The following CDKAL1 variants were observed in gnomAD, a reference collection of about 807,000 sequenced individuals.
CDKAL1 encodes the protein CDKAL1 threonylcarbamoyladenosine tRNA methylthiotransferase, also known as threonylcarbamoyladenosine tRNA methylthiotransferase.
A neutral mutation model predicts 68.2 loss-of-function variants in CDKAL1; 32 were observed. The ratio of observed to expected loss-of-function variants is 0.47; its 90% CI spans 0.35 to 0.63. The LOEUF (loss-of-function observed/expected upper bound fraction) is 0.63, where lower values mean the gene tolerates loss of function less well. Ranked by LOEUF, CDKAL1 falls within the 30% of genes least tolerant of loss-of-function variation. The pLI, the probability that CDKAL1 is intolerant of heterozygous loss-of-function variation, is 0.00. For missense variants in CDKAL1, 606 were observed against 696.7 expected (o/e 0.87, Z 1.47); for synonymous variants, 234 against 244.3 (o/e 0.96, Z 0.39).
At chr6:21,011,322 G>A (rs923074856) in intron 11 of CDKAL1, among the ~76,000 whole-genome samples, 3 of 150,352 alleles carry the variant, frequency 2.0e-5, no homozygotes, top group African/African-American at 4.9e-5. Context: ...AGGCAGAGCT[G>A]GCAGTGAGCT....
chr6:20,869,607 A>G (rs758460573), intron 9 of CDKAL1, among the ~76,000 whole-genome samples: 65 of 152,310 alleles, frequency 4.3e-4, no homozygotes, highest in Non-Finnish European at 7.5e-4. Flanking sequence ...TAAAATGGCT[A>G]AAAACAAAAA....
chr6:21,103,920 T>G (rs946936278), intron 12 of CDKAL1, among the ~76,000 whole-genome samples: 3 of 152,246 alleles, frequency 2.0e-5, no homozygotes, highest in Non-Finnish European at 2.9e-5. Flanking sequence ...TATTCCATTT[T>G]TGGCTCAGCT....
At chr6:21,072,246 A>G (rs1043472526) in intron 12 of CDKAL1, among the ~76,000 whole-genome samples, 6 of 152,184 alleles carry the variant, frequency 3.9e-5, no homozygotes, top group African/African-American at 1.4e-4. Context: ...ACTACTTAAC[A>G]TTGATAAATG....
chr6:20,674,762 T>C (rs574978711), intron 5 of CDKAL1, among the ~76,000 whole-genome samples: 2 of 152,326 alleles, frequency 1.3e-5, no homozygotes, highest in East Asian at 1.9e-4. Context: ...ATGATTCTAC[T>C]CTTCTTCCAT....
intron 13 of CDKAL1, among the ~76,000 whole-genome samples, chr6:21,141,873 C>A (rs1775930264): frequency 6.6e-6 from 1 of 152,176 alleles, no homozygotes; most frequent in Non-Finnish European, 1.5e-5. Context: ...GAGGTAACTA[C>A]AGAAGTTGGA....
intron 8 of CDKAL1, among the ~76,000 whole-genome samples, chr6:20,820,038 T>C (rs1777212435): frequency 6.6e-6 from 1 of 152,128 alleles, no homozygotes; most frequent in Admixed American, 6.6e-5. Flanking sequence ...TTTGCATGGC[T>C]GAAGTCTCGT....
intron 4 of CDKAL1, among the ~76,000 whole-genome samples, chr6:20,622,752 A>G (rs1767251126): frequency 6.6e-6 from 1 of 151,876 alleles, no homozygotes; most frequent in African/African-American, 2.4e-5. Flanking sequence ...ACTTTGACCA[A>G]TATTTTCTTT....
intron 4 of CDKAL1, among the ~76,000 whole-genome samples, chr6:20,614,950 C>G (rs1411277549): frequency 2.4e-5 from 3 of 125,878 alleles, no homozygotes; most frequent in Non-Finnish European, 4.8e-5. Flanking sequence ...CCACCACAGT[C>G]CCCAGAGTGT....
In CDKAL1 at chr6:21,112,259, G is replaced by A. The variant is rs571087539; in HGVS notation, c.1299+3796G>A. Among the ~76,000 whole-genome samples, 4 of 152,256 alleles carry A rather than the reference G, an allele frequency of 2.6e-5. No homozygotes were observed. In the South Asian group the frequency reaches 8.3e-4, roughly 32 times the overall value. ...AGATTTTATCAGAATTATGTGTTTAGGGGGAAATCTAGGTTTATTAGCCAA... is the reference window on the plus strand; with the variant it reads ...AGATTTTATCAGAATTATGTGTTTAAGGGGAAATCTAGGTTTATTAGCCAA... On this transcript the variant is annotated intron_variant, in intron 13 of 15. Transcript: ENST00000274695.
intron 7 of CDKAL1, among the ~76,000 whole-genome samples, chr6:20,779,678 A>G (rs959572336): frequency 6.6e-6 from 1 of 152,210 alleles, no homozygotes; most frequent in Admixed American, 6.5e-5. Flanking sequence ...TCTGCTGCCC[A>G]GGTTCAAGTG....
chr6:20,815,127 G>T (rs565944770), intron 8 of CDKAL1, among the ~76,000 whole-genome samples: 70 of 152,310 alleles, frequency 4.6e-4, no homozygotes, highest in Admixed American at 1.7e-3. Flanking sequence ...TCCAGTCCCT[G>T]TCACTTTATT....
chr6:20,603,672 A>T (rs1184540933), intron 4 of CDKAL1, among the ~76,000 whole-genome samples: 1 of 152,082 alleles, frequency 6.6e-6, no homozygotes, highest in African/African-American at 2.4e-5. Flanking sequence ...TTCCCAGTGG[A>T]CAGAACTTCT....
chr6:20,941,941 G>A (rs192240774), intron 9 of CDKAL1, among the ~76,000 whole-genome samples: 168 of 152,146 alleles, frequency 1.1e-3, no homozygotes, highest in African/African-American at 3.7e-3. Context: ...TTTCCCCTTC[G>A]GCAAGAGGAT....
chr6:21,093,324 T>TC (rs2150972914), intron 12 of CDKAL1, among the ~76,000 whole-genome samples: 1 of 152,334 alleles, frequency 6.6e-6, no homozygotes, highest in African/African-American at 2.4e-5. Flanking sequence ...ACCAAAGTAT[T>TC]CATCAGATTT....
chr6:21,126,498 T>G (rs535630430), intron 13 of CDKAL1, among the ~76,000 whole-genome samples: 1 of 152,328 alleles, frequency 6.6e-6, no homozygotes, highest in East Asian at 1.9e-4. Context: ...GCACTCAACC[T>G]TGATGCTTTT....
intron 4 of CDKAL1, among the ~76,000 whole-genome samples, chr6:20,639,843 G>A (rs772771036): frequency 8.5e-5 from 13 of 152,112 alleles, no homozygotes; most frequent in Non-Finnish European, 8.8e-5. Flanking sequence ...ACTAATTTTT[G>A]TATTTTTAGT....
chr6:20,848,591 C>T (rs768346057), intron 9 of CDKAL1, among the ~76,000 whole-genome samples: 19 of 152,132 alleles, frequency 1.2e-4, no homozygotes, highest in African/African-American at 3.6e-4. Context: ...TTTTAGAGAA[C>T]GTATTAGAAG....
chr6:20,748,937 T>C (rs1773791058), intron 6 of CDKAL1, among the ~76,000 whole-genome samples: 1 of 141,956 alleles, frequency 7.0e-6, no homozygotes, highest in African/African-American at 2.7e-5. Context: ...AATAAGAAAG[T>C]ACTTTGCATG....
intron 13 of CDKAL1, among the ~76,000 whole-genome samples, chr6:21,145,550 C>T (rs908966638): frequency 3.9e-5 from 6 of 152,044 alleles, no homozygotes; most frequent in Non-Finnish European, 4.4e-5. Context: ...TTTAGGGGAC[C>T]AAGTTAATGT....
Sources: gnomAD v4.1 joint callset for allele counts (sites outside exome capture counted in the v4.1 genomes callset) on GRCh38, gnomAD v4.1.1 for gene constraint, MANE v1.5 for transcripts, NCBI Gene and HGNC (gene_info 2026-07-23, HGNC 2026-07-21) for gene names.